CNTN4: variants seen among roughly 807,000 people sequenced by gnomAD.
The protein encoded by CNTN4 is contactin 4.
In CNTN4, 77 loss-of-function variants were observed where a neutral mutation model predicts 122.5. The observed-to-expected ratio is 0.63, with a 90% CI of 0.52 to 0.76. CNTN4 has a LOEUF of 0.76. Ranked by LOEUF, CNTN4 falls within the 30% of genes least tolerant of loss-of-function variation. CNTN4 has a pLI of 0.00. For missense variants in CNTN4, 1,256 were observed against 1,259.1 expected (o/e 1.00, Z 0.04); for synonymous variants, 512 against 447.0 (o/e 1.15, Z -1.83).
chr3:2,318,902 C>A (rs1467029542), intron 2 of CNTN4, among the ~76,000 whole-genome samples: 5 of 152,196 alleles, frequency 3.3e-5, no homozygotes, highest in Admixed American at 2.6e-4. Flanking sequence ...CTTGGCCGCC[C>A]AAGTTGGGGA....
chr3:2,744,918 G>A (rs2089670649), intron 5 of CNTN4, among the ~76,000 whole-genome samples: 1 of 152,116 alleles, frequency 6.6e-6, no homozygotes, highest in South Asian at 2.1e-4. Context: ...CAGTTTGCTG[G>A]GATGGTTGAT....
intron 3 of CNTN4, among the ~76,000 whole-genome samples, chr3:2,520,740 C>G (rs964537933): frequency 6.6e-6 from 1 of 151,980 alleles, no homozygotes; most frequent in Non-Finnish European, 1.5e-5. Flanking sequence ...TTTAGACATT[C>G]TATCTGATAA....
chr3:2,311,863 T>G (rs1484260742), intron 2 of CNTN4, among the ~76,000 whole-genome samples: 1 of 152,150 alleles, frequency 6.6e-6, no homozygotes, highest in Non-Finnish European at 1.5e-5. Flanking sequence ...CTCTTTGTCC[T>G]TCATTTAAAG....
At chr3:3,049,468 T>A (rs1559836854) in intron 23 of CNTN4, among the ~76,000 whole-genome samples, 1 of 152,182 alleles carries the variant, frequency 6.6e-6, no homozygotes, top group Non-Finnish European at 1.5e-5. Flanking sequence ...TAGAGTTTAG[T>A]CACTTGCCTT....
chr3:2,170,985 A>T (rs1280881172), intron 2 of CNTN4, among the ~76,000 whole-genome samples: 1 of 152,238 alleles, frequency 6.6e-6, no homozygotes, highest in Non-Finnish European at 1.5e-5. Flanking sequence ...AAATAATCAC[A>T]TACTACTATA....
intron 3 of CNTN4, among the ~76,000 whole-genome samples, chr3:2,339,928 G>A (rs1201455429): frequency 6.6e-6 from 1 of 152,146 alleles, no homozygotes; most frequent in Non-Finnish European, 1.5e-5. Flanking sequence ...TCTAGCTTCT[G>A]GTGGTTGCTG....
chr3:2,533,952 G>GTT lies in CNTN4; in HGVS notation c.-88-37454_-88-37453dup, dbSNP rs34715363. On this transcript the variant is annotated intron_variant, in intron 3 of 24. Coordinates refer to ENST00000418658, the MANE Select transcript of CNTN4 (RefSeq NM_175607.3). The stretch of plus-strand genomic sequence containing the variant: ...CATATCCTTTGCCCACTTTTTGATG[G>GTT]TTTTTTTTTTTCTTGTAAATTTGTT... 9.0e-4 allele frequency among the ~76,000 whole-genome samples: 132 copies of GTT among 146,926 alleles called. 2 individuals carry two copies. The South Asian group carries it at 0.016, about 18-fold the overall frequency.
At chr3:2,885,484 C>T (rs1424544758) in intron 9 of CNTN4, among the ~76,000 whole-genome samples, 1 of 152,110 alleles carries the variant, frequency 6.6e-6, no homozygotes, top group Non-Finnish European at 1.5e-5. Flanking sequence ...CCATGTTGTC[C>T]AAAAGAATGT....
intron 4 of CNTN4, among the ~76,000 whole-genome samples, chr3:2,614,960 A>G (rs1368039986): frequency 6.6e-6 from 1 of 152,114 alleles, no homozygotes; most frequent in East Asian, 1.9e-4. Context: ...ATTTATTGAA[A>G]CATTTGTCTT....
At chr3:2,296,158 C>T (rs1420294585) in intron 2 of CNTN4, among the ~76,000 whole-genome samples, 5 of 152,174 alleles carry the variant, frequency 3.3e-5, no homozygotes, top group Middle Eastern at 3.4e-3. Flanking sequence ...CTTGGCGATG[C>T]GGGCTCTTTT....
chr3:2,300,731 C>A (rs948356713), intron 2 of CNTN4, among the ~76,000 whole-genome samples: 5 of 151,738 alleles, frequency 3.3e-5, no homozygotes, highest in Non-Finnish European at 5.9e-5. Context: ...GCCACCATGC[C>A]ATCTAATTTT....
chr3:2,256,167 A>G (rs1202802727), intron 2 of CNTN4, among the ~76,000 whole-genome samples: 1 of 152,224 alleles, frequency 6.6e-6, no homozygotes, highest in African/African-American at 2.4e-5. Context: ...AAACACCTCT[A>G]TGCAAATAAA....
At chr3:2,101,123 T>G (rs1574820937) in intron 2 of CNTN4, among the ~76,000 whole-genome samples, 1 of 152,170 alleles carries the variant, frequency 6.6e-6, no homozygotes, top group Non-Finnish European at 1.5e-5. Flanking sequence ...TAATTAAGAG[T>G]GATTAGAGAA....
At chr3:2,726,418 C>T (rs941522065) in intron 4 of CNTN4, among the ~76,000 whole-genome samples, 1 of 152,134 alleles carries the variant, frequency 6.6e-6, no homozygotes, top group African/African-American at 2.4e-5. Context: ...TTTAGTCTAT[C>T]CAAACCACTT....
At chr3:2,774,882 C>A (rs1013339442) in intron 6 of CNTN4, among the ~76,000 whole-genome samples, 1 of 152,226 alleles carries the variant, frequency 6.6e-6, no homozygotes, top group African/African-American at 2.4e-5. Flanking sequence ...TACAAAATAG[C>A]CTGTTGTACT....
intron 13 of CNTN4, among the ~76,000 whole-genome samples, chr3:2,943,857 C>T (rs1020618364): frequency 3.3e-5 from 5 of 151,442 alleles, no homozygotes; most frequent in East Asian, 1.9e-4. Context: ...CTCCTGACCT[C>T]GTGATCCACC....
At chr3:2,285,967 T>C (rs527266724) in intron 2 of CNTN4, among the ~76,000 whole-genome samples, 87 of 152,268 alleles carry the variant, frequency 5.7e-4, no homozygotes, top group Non-Finnish European at 1.1e-3. Context: ...TGCAGTGGAA[T>C]TGCTGAATCA....
chr3:2,346,829 C>T (rs2044414101), intron 3 of CNTN4, among the ~76,000 whole-genome samples: 1 of 152,062 alleles, frequency 6.6e-6, no homozygotes. Context: ...TTGAGTTTTT[C>T]TCTTACGCTA....
At chr3:3,014,294 T>C (rs776842271) in intron 14 of CNTN4, among the ~76,000 whole-genome samples, 2 of 152,222 alleles carry the variant, frequency 1.3e-5, no homozygotes, top group Non-Finnish European at 2.9e-5. Flanking sequence ...GCTTCACTTA[T>C]CACTGTGGCA....
Sources: allele counts gnomAD v4.1 joint callset (sites outside exome capture counted in the v4.1 genomes callset), GRCh38; gene constraint gnomAD v4.1.1; transcripts MANE v1.5; gene names NCBI Gene and HGNC (gene_info 2026-07-23, HGNC 2026-07-21).